The following MARCHF1 variants were observed in gnomAD, a reference collection of about 807,000 sequenced individuals.
MARCHF1 encodes the protein E3 ubiquitin-protein ligase MARCHF1.
Under a neutral mutation model 54.2 loss-of-function variants are expected in MARCHF1, and 40 were observed. The observed-to-expected ratio is 0.74, with a 90% CI of 0.57 to 0.96. The LOEUF is 0.96. Ranked by LOEUF, MARCHF1 falls within the 40% of genes least tolerant of loss-of-function variation. The pLI is 0.00. For missense variants in MARCHF1, 586 were observed against 656.5 expected (o/e 0.89, Z 1.17); for synonymous variants, 236 against 236.3 (o/e 1.00, Z 0.01).
chr4:163,633,527 G>A (rs34856490), intron 5 of MARCHF1, among the ~76,000 whole-genome samples: 63,365 of 151,998 alleles, frequency 0.42, 13,611 homozygotes, highest in East Asian at 0.6. Context: ...GAAATGAAGC[G>A]AGAAGGGAAG....
At position 163,829,991 on chromosome 4, in the gene MARCHF1, C is replaced by T. The variant is rs1039699277; in HGVS notation, c.111+24030G>A. ...CCAGTTTTTGGTTTAGTTTCTAAAA[C>T]GTATTGTGTATACCCTGGAGCAATG... On this transcript the variant is annotated intron_variant, in intron 4 of 9. Transcript: ENST00000514618. Among the ~76,000 whole-genome samples the T allele has an allele frequency of 2.0e-5, 3 of 152,080 alleles. 1 individual carries two copies. Among genetic ancestry groups the T allele is most frequent in the Admixed American group, 1.3e-4 (2 of 15,254 alleles).
rs375565005 is a variant in MARCHF1, at chr4:164,308,990, G to A, written c.-323+74880C>T. Among the ~76,000 whole-genome samples, 21 of 151,590 alleles carry A rather than the reference G, an allele frequency of 1.4e-4. No individual in the cohort carries two copies. The East Asian group carries it at 1.7e-3, about 13-fold the overall frequency. On this transcript the variant is annotated intron_variant, in intron 1 of 9. Transcript: ENST00000514618. ...AAAAAAAAAAAAAAGAAAGAGAAAGGAGGATATAGCTCAGGGTTACATAAA... is the reference window on the plus strand; with the variant it reads ...AAAAAAAAAAAAAAGAAAGAGAAAGAAGGATATAGCTCAGGGTTACATAAA...
intron 1 of MARCHF1, among the ~76,000 whole-genome samples, chr4:164,315,139 A>G (rs1721908063): frequency 1.3e-5 from 2 of 151,934 alleles, no homozygotes; most frequent in Non-Finnish European, 2.9e-5. Context: ...ATGCTCCATA[A>G]AACACTTCGG....
chr4:163,826,566 C>T (rs1277553270), intron 4 of MARCHF1, among the ~76,000 whole-genome samples: 6 of 151,868 alleles, frequency 4.0e-5, no homozygotes, highest in Non-Finnish European at 7.4e-5. Flanking sequence ...TCTAAACATG[C>T]GCTGTATTAA....
intron 5 of MARCHF1, among the ~76,000 whole-genome samples, chr4:163,658,714 C>G (rs533891740): frequency 6.6e-6 from 1 of 152,168 alleles, no homozygotes; most frequent in Non-Finnish European, 1.5e-5. Context: ...ACTGCATGTT[C>G]TCACTTCTAA....
intron 3 of MARCHF1, among the ~76,000 whole-genome samples, chr4:163,869,045 A>G (rs1276541149): frequency 6.6e-6 from 1 of 151,098 alleles, no homozygotes; most frequent in African/African-American, 2.4e-5. Flanking sequence ...ATACACATAA[A>G]ACGCATAAAC....
At chr4:164,324,116 C>A (rs1735212787) in intron 1 of MARCHF1, among the ~76,000 whole-genome samples, 1 of 151,716 alleles carries the variant, frequency 6.6e-6, no homozygotes, top group East Asian at 1.9e-4. Flanking sequence ...AAGATTAATA[C>A]CCCATGACCC....
intron 2 of MARCHF1, among the ~76,000 whole-genome samples, chr4:164,086,519 C>T (rs1454654521): frequency 6.6e-6 from 1 of 151,942 alleles, no homozygotes; most frequent in African/African-American, 2.4e-5. Flanking sequence ...ATTTATTGAA[C>T]ATTATTAACT....
rs368872620 is a variant in MARCHF1, at chr4:163,951,268, C to T, written c.-39+37233G>A. Among the ~76,000 whole-genome samples the T allele has an allele frequency of 6.6e-5, 10 of 152,234 alleles. No homozygotes were observed. The South Asian group carries it at 1.2e-3, about 19-fold the overall frequency. ...GGTCTATTGATCAAAATTCCTGGCT[C>T]TTTTTTTCACCGTTAACCCTTGTCC... On this transcript the variant is annotated intron_variant, in intron 3 of 9. Coordinates refer to ENST00000514618, the MANE Select transcript of MARCHF1 (RefSeq NM_001394959.1).
chr4:164,065,634 G>A (rs1027062202), intron 2 of MARCHF1, among the ~76,000 whole-genome samples: 2 of 152,092 alleles, frequency 1.3e-5, no homozygotes, highest in African/African-American at 2.4e-5. Flanking sequence ...TGATCACAAG[G>A]TGAAGTCCTA....
chr4:163,559,637 T>TTTTA (rs1343643214), intron 8 of MARCHF1, among the ~76,000 whole-genome samples: 2 of 152,202 alleles, frequency 1.3e-5, no homozygotes, highest in African/African-American at 4.8e-5. Context: ...TGGTCCTTTA[T>TTTTA]TTTAGAACCT....
rs577696445 is a variant in MARCHF1 at position 163,629,635 on chromosome 4, G to C, written c.163-16242C>G. 1.2e-4 allele frequency among the ~76,000 whole-genome samples: 18 copies of C among 152,260 alleles called. No individual in the cohort carries two copies. The East Asian group carries it at 3.1e-3, about 26-fold the overall frequency. On this transcript the variant is annotated intron_variant, in intron 5 of 9. Transcript: ENST00000514618. The stretch of plus-strand genomic sequence containing the variant: ...AGTGAACAGGCAACCTACAGAATGA[G>C]AGAAAAGTTTTGCAATCTATCCATC...
At chr4:163,963,714 T>C (rs1178467913) in intron 3 of MARCHF1, among the ~76,000 whole-genome samples, 1 of 151,992 alleles carries the variant, frequency 6.6e-6, no homozygotes, top group Non-Finnish European at 1.5e-5. Flanking sequence ...TCTTTCAGAA[T>C]TCTTTTTCTC....
chr4:163,723,550 C>T (rs561157789), intron 4 of MARCHF1, among the ~76,000 whole-genome samples: 1 of 152,196 alleles, frequency 6.6e-6, no homozygotes, highest in Admixed American at 6.5e-5. Context: ...CTCTGTATTT[C>T]CTGAATTTGA....
chr4:163,887,275 G>A (rs185921874), intron 3 of MARCHF1, among the ~76,000 whole-genome samples: 13 of 152,144 alleles, frequency 8.5e-5, no homozygotes, highest in Admixed American at 6.6e-4. Context: ...GATCAAAAAG[G>A]GGGTTTTTAT....
chr4:163,969,799 A>G (rs1752513829), intron 3 of MARCHF1, among the ~76,000 whole-genome samples: 1 of 152,224 alleles, frequency 6.6e-6, no homozygotes, highest in South Asian at 2.1e-4. Context: ...GGTATAAGAA[A>G]TGATGCTACT....
chr4:163,872,696 T>C (rs1326484232), intron 3 of MARCHF1, among the ~76,000 whole-genome samples: 2 of 152,186 alleles, frequency 1.3e-5, no homozygotes, highest in Non-Finnish European at 2.9e-5. Flanking sequence ...TGTGCGTGTG[T>C]GTATGTGTAT....
chr4:163,584,514 T>G (rs1252096034), intron 8 of MARCHF1: 1 of 152,140 alleles, frequency 6.6e-6, no homozygotes, highest in Non-Finnish European at 1.5e-5. Context: ...CATTGACACC[T>G]CTGGGCCCTA....
intron 3 of MARCHF1, among the ~76,000 whole-genome samples, chr4:163,895,357 T>G (rs1750782917): frequency 6.6e-6 from 1 of 152,248 alleles, no homozygotes; most frequent in Non-Finnish European, 1.5e-5. Context: ...TAATTTTAGC[T>G]GCTTTCCTGA....
Sources: gnomAD v4.1 joint callset for allele counts (sites outside exome capture counted in the v4.1 genomes callset) on GRCh38, gnomAD v4.1.1 for gene constraint, MANE v1.5 for transcripts, NCBI Gene and HGNC (gene_info 2026-07-23, HGNC 2026-07-21) for gene names.